ATP8B3: variants seen among roughly 807,000 people sequenced by gnomAD.
ATP8B3 encodes the protein ATPase phospholipid transporting 8B3.
A neutral mutation model predicts 140.9 loss-of-function variants in ATP8B3; 141 were observed. The ratio of observed to expected loss-of-function variants is 1.00; its 90% CI spans 0.87 to 1.15. The LOEUF is 1.15. Among genes scored for constraint, ATP8B3 ranks in the 50% most tolerant of loss-of-function variants. The pLI is 0.00. For synonymous variants in ATP8B3, 765 were observed against 714.6 expected, an observed-to-expected ratio of 1.07 and a Z score of -1.13; for missense variants, 1,874 against 1,740.6, an observed-to-expected ratio of 1.08 and a Z score of -1.36.
At position 1,787,194 on chromosome 19, in the gene ATP8B3, G is replaced by T. The variant is rs779788481; in HGVS notation, c.3070-8C>A. ...CCATCCTTCATACAGGGGCTGAGCCGGGGGAGAAGGGCAAGGAGAACAAGT... is the reference window on the plus strand; with the variant it reads ...CCATCCTTCATACAGGGGCTGAGCCTGGGGAGAAGGGCAAGGAGAACAAGT... On this transcript the variant is annotated splice_region_variant and splice_polypyrimidine_tract_variant and intron_variant, in intron 24 of 28. Transcript: ENST00000310127. 1.2e-6 allele frequency: 2 copies of T among 1,601,700 alleles called. No homozygotes were observed. Among genetic ancestry groups the T allele is most frequent in the Admixed American group, 3.4e-5 (2 of 58,694 alleles).
At position 1,792,053 on chromosome 19, in the gene ATP8B3, C is replaced by T. The variant is rs368521166; in HGVS notation, c.2138G>A (p.Arg713His). 1.6e-4 allele frequency: 250 copies of T among 1,553,212 alleles called. No individual in the cohort carries two copies. The highest frequency in any genetic ancestry group is 1.9e-4 in the Non-Finnish European group (214 of 1,149,594). Residue 713 changes from arginine (R) to histidine (H), a missense_variant, in exon 19 of 29, where the codon CGC becomes CAC. This residue lies in a region of ATP8B3 where 2 missense variants were observed against 16.1 expected (regional missense o/e 0.12). Coordinates refer to ENST00000310127, the MANE Select transcript of ATP8B3 (RefSeq NM_138813.4). ...AEDIYEDWQQ[R>H]HQEASLLLQN... ...CAGCAGGAGGCTGGCCTCCTGGTGG[C>T]GCTGCTGCCAGTCCTCGTAAATGTC...
intron 24 of ATP8B3, among the ~76,000 whole-genome samples, chr19:1,788,522 C>T (rs988637888): frequency 2.6e-5 from 4 of 152,240 alleles, no homozygotes; most frequent in East Asian, 1.9e-4. Flanking sequence ...TGATGGTACA[C>T]GCCTGTAATC....
Position 1,807,053 on chromosome 19 carries a change from G to T in ATP8B3, c.615+115C>A. 1.1e-6 allele frequency: 1 copy of T among 941,830 alleles called. No homozygotes were observed. The allele number at this position is 941,830 out of a possible 1,614,324, so 58.3% of individuals were successfully genotyped here. A position where few individuals can be genotyped will look rare whatever the true frequency, so the allele number is the denominator to read the frequency against. On this transcript the variant is annotated intron_variant, in intron 6 of 28. Transcript: ENST00000310127. This position sits in a 1 kb window ranked among gnomAD's most constrained non-coding sequence, Gnocchi z 5.9. ...CAGCAGCTGAGGCTCCCAGGCCCAC[G>T]TTCCCCTAATGCTCCAGGAAGCCCA...
chr19:1,790,671 C>A, intron 21 of ATP8B3, 86 bp downstream of exon 21: 1 of 913,322 alleles, frequency 1.1e-6, no homozygotes, highest in Non-Finnish European at 1.5e-6. Context: ...GCCTTGGGCT[C>A]CCCGTCCAGT....
At position 1,796,066 on chromosome 19, in the gene ATP8B3, G is replaced by C; in HGVS notation, c.1942+11C>G. On this transcript the variant is annotated intron_variant, in intron 17 of 28. Coordinates refer to ENST00000310127, the MANE Select transcript of ATP8B3 (RefSeq NM_138813.4). ...CCTTGGGGGGCCCAGGGCTTGGGTG[G>C]CGGGGCTCACCCAGCACCGACATCC... The C allele has an allele frequency of 6.2e-7, 1 of 1,612,294 alleles. No individual in the cohort carries two copies. Among genetic ancestry groups the C allele is most frequent in the Non-Finnish European group, 8.5e-7 (1 of 1,179,330 alleles).
In ATP8B3 at chr19:1,797,789, G is replaced by A. The variant is rs987780076; in HGVS notation, c.1553-784C>T. Among the ~76,000 whole-genome samples, 14 of 151,668 alleles carry A rather than the reference G, an allele frequency of 9.2e-5. 1 individual carries two copies. The South Asian group carries it at 2.1e-3, about 23-fold the overall frequency. On this transcript the variant is annotated intron_variant, in intron 14 of 28. Transcript: ENST00000310127. ...TGCTGGGATTACAGGCGTAGCCACC[G>A]CACCCAGCCACTTTTTATGCTTTAT...
Position 1,805,417 on chromosome 19 carries a change from G to T in ATP8B3, c.861C>A (p.Thr287=). The change falls in exon 10 of 29, where the codon ACC becomes ACA. Residue 287 remains threonine, a synonymous_variant. Transcript: ENST00000310127. The surrounding 1 kb of genome is among the most constrained non-coding windows in gnomAD (Gnocchi z 5.2). ...TCTTTATAGTGGCCAGTTCTTTGTG[G>T]GTGACCATCAGGGCCTGTCTGAACT... The part of the protein sequence containing the change: ...NLKFRQALMV[T]HKELATIKKM... 1 of 1,567,190 alleles carries T rather than the reference G, an allele frequency of 6.4e-7. No individual in the cohort carries two copies. Among genetic ancestry groups the T allele is most frequent in the Non-Finnish European group, 8.7e-7 (1 of 1,153,938 alleles).
Position 1,800,485 on chromosome 19 carries a change from CG to C in ATP8B3, c.1153-37del, listed in dbSNP as rs1568647020. 5 of 717,494 alleles carry C rather than the reference CG, an allele frequency of 7.0e-6. No individual in the cohort carries two copies. The highest frequency in any genetic ancestry group is 2.7e-5 in the South Asian group (2 of 73,734). 44.4% of individuals were successfully genotyped at this position (717,494 alleles called of 1,614,324 possible). ...GACGCGACAGGGTGGGTGAGGGGGG[CG>C]GGGGTCCCCCACTCTGCCATCAGGA... On this transcript the variant is annotated intron_variant, in intron 12 of 28. Transcript: ENST00000310127. The surrounding 1 kb of genome is among the most constrained non-coding windows in gnomAD (Gnocchi z 4.4).
At chr19:1,808,063 G>A (rs544281705) in intron 5 of ATP8B3, among the ~76,000 whole-genome samples, 159 bp downstream of exon 5, 72 of 152,348 alleles carry the variant, frequency 4.7e-4, no homozygotes, top group Non-Finnish European at 8.8e-4. Context: ...TGTACTGAGC[G>A]CCTCTTGTGT....
chr19:1,800,515 G>A lies in ATP8B3; in HGVS notation c.1153-66C>T. The A allele has an allele frequency of 7.0e-7, 1 of 1,424,770 alleles. No individual in the cohort carries two copies. Among genetic ancestry groups the A allele is most frequent in the Non-Finnish European group, 9.7e-7 (1 of 1,030,840 alleles). 88.3% of individuals were successfully genotyped at this position (1,424,770 alleles called of 1,614,324 possible). A position where few individuals can be genotyped will look rare whatever the true frequency, so the allele number is the denominator to read the frequency against. ...GTCCCCCACTCTGCCATCAGGATGG[G>A]GTAAACACAAAGATAAGGCTGGGGC... On this transcript the variant is annotated intron_variant, in intron 12 of 28. Transcript: ENST00000310127. The surrounding 1 kb of genome is among the most constrained non-coding windows in gnomAD (Gnocchi z 4.4).
intron 18 of ATP8B3, 84 bp from the exon 19 acceptor site, chr19:1,792,219 G>T (rs7258947): frequency 3.5e-6 from 5 of 1,427,722 alleles, no homozygotes; most frequent in Non-Finnish European, 4.6e-6. Flanking sequence ...GCCGGGCTCC[G>T]GAGCCTGGGT....
chr19:1,807,874 C>T lies in ATP8B3; in HGVS notation c.516+348G>A, dbSNP rs778282192. Among the ~76,000 whole-genome samples the T allele has an allele frequency of 1.3e-5, 2 of 152,258 alleles. No individual in the cohort carries two copies. Among genetic ancestry groups the T allele is most frequent in the Admixed American group, 6.5e-5 (1 of 15,284 alleles). ...ATGCTCTGGGCTCCTCCTTCCCCCT[C>T]GCCTCTGAGGTCAGCTGGGAGGGCG... On this transcript the variant is annotated intron_variant, in intron 5 of 28. Transcript: ENST00000310127. This position sits in a 1 kb window ranked among gnomAD's most constrained non-coding sequence, Gnocchi z 5.9.
chr19:1,806,184 G>A lies in ATP8B3; in HGVS notation c.678-15C>T, dbSNP rs749483088. ...TCTGCTTGAAGCTGCGGGGAGAGGGGGTTGTGAAGGAGGCCCCTCCCTCTG... is the reference window on the plus strand; with the variant it reads ...TCTGCTTGAAGCTGCGGGGAGAGGGAGTTGTGAAGGAGGCCCCTCCCTCTG... On this transcript the variant is annotated splice_polypyrimidine_tract_variant and intron_variant, in intron 7 of 28. Coordinates refer to ENST00000310127, the MANE Select transcript of ATP8B3 (RefSeq NM_138813.4). The surrounding 1 kb of genome is among the most constrained non-coding windows in gnomAD (Gnocchi z 5.6). 1 of 1,576,314 alleles carries A rather than the reference G, an allele frequency of 6.3e-7. No homozygotes were observed. The highest frequency in any genetic ancestry group is 8.6e-7 in the Non-Finnish European group (1 of 1,161,946).
At chr19:1,810,012 C>G (rs747772888) in intron 3 of ATP8B3, among the ~76,000 whole-genome samples, 4 of 152,210 alleles carry the variant, frequency 2.6e-5, no homozygotes, top group African/African-American at 9.6e-5. Context: ...CCTGGGAGAC[C>G]GTTCAGGCCT....
intron 2 of ATP8B3, among the ~76,000 whole-genome samples, chr19:1,811,224 C>A (rs1480640163): frequency 6.6e-6 from 1 of 152,224 alleles, no homozygotes; most frequent in Non-Finnish European, 1.5e-5. Context: ...TCCTCACCCC[C>A]CCAGGCTGGG....
At chr19:1,808,360 T>C (rs201773859) in intron 4 of ATP8B3, 25 bp from the exon 5 acceptor site, 3 of 1,579,928 alleles carry the variant, frequency 1.9e-6, no homozygotes, top group Non-Finnish European at 2.6e-6. Context: ...GCGGGCTGCC[T>C]GGCAGAGGGG....
chr19:1,796,278 G>A lies in ATP8B3; in HGVS notation c.1754-13C>T. ...TACAACAGCTGGTCTGGTAGGGAGG[G>A]GGGCCATTTTGGGGTCACGTGGTGG... On this transcript the variant is annotated splice_polypyrimidine_tract_variant and intron_variant, in intron 16 of 28. Coordinates refer to ENST00000310127, the MANE Select transcript of ATP8B3 (RefSeq NM_138813.4). 6.3e-7 allele frequency: 1 copy of A among 1,598,052 alleles called. No homozygotes were observed. Among genetic ancestry groups the A allele is most frequent in the Non-Finnish European group, 8.5e-7 (1 of 1,174,184 alleles).
chr19:1,784,872 G>A lies in ATP8B3; in HGVS notation c.3607C>T (p.Pro1203Ser), dbSNP rs1384276808. The part of the protein sequence containing the change: ...VLLSVSINTF[P>S]VLALRVIFPA... ...AAGATGACTCGGAGGGCCAGGACAG[G>A]GAAGGTGTTTATGGACACACTCAGC... is the stretch of plus-strand genomic sequence containing the variant. Residue 1203 changes from proline to serine, a missense_variant, in exon 28 of 29, where the codon CCT becomes TCT. By Grantham distance (74) the Pro-to-Ser change is moderately conservative (BLOSUM62 -1). Around this residue, in one of 3 missense-constraint regions of ATP8B3, gnomAD observed 840 missense variants for 760.9 expected, o/e 1.10. Transcript: ENST00000310127. 6.2e-7 allele frequency: 1 copy of A among 1,612,822 alleles called. No homozygotes were observed. Among genetic ancestry groups the A allele is most frequent in the African/African-American group, 1.3e-5 (1 of 74,926 alleles).
At chr19:1,802,067 C>A in intron 11 of ATP8B3, 23 bp from the exon 12 acceptor site, 1 of 1,465,004 alleles carries the variant, frequency 6.8e-7, no homozygotes, top group Non-Finnish European at 9.2e-7. Context: ...ATCCATCTAT[C>A]CACCCACCCA....
Sources: gnomAD v4.1 joint callset for allele counts (sites outside exome capture counted in the v4.1 genomes callset) on GRCh38, gnomAD v4.1.1 for gene constraint, gnomAD v4.1.1 regional missense constraint, Gnocchi (gnomAD v3.1) non-coding constraint, MANE v1.5 for transcripts, NCBI Gene and HGNC (gene_info 2026-07-23, HGNC 2026-07-21) for gene names.